The following PCDH15 variants were observed in gnomAD, a reference collection of about 807,000 sequenced individuals.
PCDH15 encodes protocadherin-15.
PCDH15 carries 129 observed loss-of-function variants against 178.5 expected under a neutral mutation model. That is an observed-to-expected ratio of 0.72 (90% CI 0.63 to 0.84). The LOEUF is 0.84. PCDH15 is among the 40% of genes least tolerant of loss of function. The pLI, the probability that PCDH15 is intolerant of heterozygous loss-of-function variation, is 0.00. For missense variants in PCDH15, 2,230 were observed against 2,099.9 expected, an observed-to-expected ratio of 1.06 and a Z score of -1.21; for synonymous variants, 800 against 732.0, an observed-to-expected ratio of 1.09 and a Z score of -1.50.
rs10546546 is a variant in PCDH15, at chr10:55,392,979, A to ATGTGTGTGTGTG, written c.-155-226340_-155-226329dup. Among the ~76,000 whole-genome samples, 13 of 144,160 alleles carry ATGTGTGTGTGTG rather than the reference A, an allele frequency of 9.0e-5. No homozygotes were observed. In the South Asian group the frequency reaches 2.3e-3, roughly 25 times the overall value. 94.6% of individuals were successfully genotyped at this position (144,160 alleles called of 152,430 possible). On this transcript the variant is annotated intron_variant, in intron 2 of 5. Transcript: ENST00000613346. ...AGTATCAATCTAAGAACTAAAGTGT[A>ATGTGTGTGTGTG]TGTGTGTGTGTGTGTGTGTGTGTGT...
At chr10:54,991,749 C>T (rs902737128) in intron 2 of PCDH15, among the ~76,000 whole-genome samples, 7 of 152,086 alleles carry the variant, frequency 4.6e-5, no homozygotes, top group Non-Finnish European at 5.9e-5. Flanking sequence ...TAAAATCACT[C>T]GACTTATTTA....
intron 18 of PCDH15, among the ~76,000 whole-genome samples, chr10:54,041,760 A>C (rs2093552229): frequency 6.6e-6 from 1 of 152,132 alleles, no homozygotes; most frequent in African/African-American, 2.4e-5. Flanking sequence ...AAAGGAAATG[A>C]CATTCAACAG....
chr10:54,280,189 T>C (rs538999671), intron 8 of PCDH15, among the ~76,000 whole-genome samples: 3 of 151,876 alleles, frequency 2.0e-5, no homozygotes, highest in Admixed American at 1.3e-4. Context: ...TGCTACCCAT[T>C]TCCTTTTAAG....
intron 13 of PCDH15, among the ~76,000 whole-genome samples, chr10:54,161,069 T>C (rs1038534179): frequency 1.3e-5 from 2 of 152,150 alleles, no homozygotes; most frequent in African/African-American, 2.4e-5. Flanking sequence ...TATGTGTGTG[T>C]ATATATATTT....
chr10:54,375,383 C>A lies in PCDH15; in HGVS notation c.318+3399G>T, dbSNP rs1013730377. On this transcript the variant is annotated intron_variant, in intron 4 of 37. Coordinates refer to ENST00000644397, the MANE Select transcript of PCDH15 (RefSeq NM_001384140.1). The stretch of plus-strand genomic sequence containing the variant: ...AATAGAGAATATGCACAGAGAAAGG[C>A]AGAAACTAGAGACCATATGGTCCAA... Among the ~76,000 whole-genome samples, 8 of 152,118 alleles carry A rather than the reference C, an allele frequency of 5.3e-5. No individual in the cohort carries two copies. In the East Asian group the frequency reaches 1.5e-3, roughly 29 times the overall value.
chr10:54,563,365 GAACA>G (rs1297052173), intron 2 of PCDH15, among the ~76,000 whole-genome samples: 1 of 152,098 alleles, frequency 6.6e-6, no homozygotes, highest in African/African-American at 2.4e-5. Context: ...TCTTGCATTT[GAACA>G]AAGCTATGGG....
chr10:55,588,687 A>G (rs552878916), intron 2 of PCDH15, among the ~76,000 whole-genome samples: 2 of 152,274 alleles, frequency 1.3e-5, no homozygotes, highest in Non-Finnish European at 2.9e-5. Context: ...TCTGAAAAAA[A>G]AAATTGTAAA....
intron 21 of PCDH15, among the ~76,000 whole-genome samples, chr10:53,975,090 AT>A (rs1256501876): frequency 6.6e-6 from 1 of 152,162 alleles, no homozygotes; most frequent in Non-Finnish European, 1.5e-5. Flanking sequence ...AGCTGCATCA[AT>A]ATTGCTGCAA....
At chr10:53,931,891 C>T (rs1256469741) in intron 25 of PCDH15, among the ~76,000 whole-genome samples, 2 of 152,156 alleles carry the variant, frequency 1.3e-5, no homozygotes, top group East Asian at 3.9e-4. Context: ...TAAGAGATTT[C>T]TTTTTACTTT....
chr10:54,788,604 T>TA (rs1221390172), intron 1 of PCDH15, among the ~76,000 whole-genome samples: 2 of 151,908 alleles, frequency 1.3e-5, no homozygotes, highest in Non-Finnish European at 2.9e-5. Context: ...AAAGTAAACC[T>TA]AAAATCTGTC....
intron 1 of PCDH15, among the ~76,000 whole-genome samples, chr10:55,226,677 C>T (rs191711430): frequency 0.014 from 2,163 of 151,932 alleles, 38 homozygotes; most frequent in Non-Finnish European, 0.02. Context: ...CCACTGCGCC[C>T]GGCCAAGAAT....
At chr10:55,018,270 A>G (rs1027452327) in intron 2 of PCDH15, among the ~76,000 whole-genome samples, 7 of 152,084 alleles carry the variant, frequency 4.6e-5, no homozygotes, top group Non-Finnish European at 1.0e-4. Flanking sequence ...TTTCAGTACA[A>G]AGAGCGGGGA....
At chr10:54,011,048 C>T (rs1234606894) in intron 20 of PCDH15, among the ~76,000 whole-genome samples, 14 of 152,290 alleles carry the variant, frequency 9.2e-5, no homozygotes, top group Admixed American at 7.2e-4. Context: ...GAAGCCCAGA[C>T]TGTCCTCCCT....
At chr10:55,075,366 ATTT>A (rs34779284) in intron 2 of PCDH15, among the ~76,000 whole-genome samples, 9,461 of 132,266 alleles carry the variant, frequency 0.072, 367 homozygotes, top group African/African-American at 0.12. Flanking sequence ...TTTTGTTTAA[ATTT>A]TTTTTTTTTT....
rs11003947 is a variant in PCDH15, at chr10:53,961,458, G to A, written c.3009+294C>T. Among the ~76,000 whole-genome samples, 2,317 of 152,004 alleles carry A rather than the reference G, an allele frequency of 0.015. 53 individuals are homozygous for A. The highest frequency in any genetic ancestry group is 0.05 in the African/African-American group (2,088 of 41,492). ...AACATCATATTGAATTTAAAAACCAGTATGTATAAGACTATGTGATTTGAA... is the reference window on the plus strand; with the variant it reads ...AACATCATATTGAATTTAAAAACCAATATGTATAAGACTATGTGATTTGAA... On this transcript the variant is annotated intron_variant, in intron 22 of 37. Coordinates refer to ENST00000644397, the MANE Select transcript of PCDH15 (RefSeq NM_001384140.1).
In PCDH15 at chr10:54,153,088, A is replaced by G; in HGVS notation, c.1784+12T>C. On this transcript the variant is annotated intron_variant, in intron 14 of 37. Transcript: ENST00000644397. Reference sequence around the variant, plus strand: ...CCGATGAAAAGACTGCATTGGTTCTAATATAAATTACCTTCGCTCTGCAGG... The same window carrying G: ...CCGATGAAAAGACTGCATTGGTTCTGATATAAATTACCTTCGCTCTGCAGG... 4 of 1,613,556 alleles carry G rather than the reference A, an allele frequency of 2.5e-6. No individual in the cohort carries two copies. In the South Asian group the frequency reaches 3.3e-5, roughly 13 times the overall value.
chr10:55,568,324 T>C (rs190241631), intron 2 of PCDH15, among the ~76,000 whole-genome samples: 148 of 152,094 alleles, frequency 9.7e-4, no homozygotes, highest in African/African-American at 3.5e-3. Flanking sequence ...GCAAATACTC[T>C]ATTATTCGAC....
chr10:55,515,828 C>G (rs1384186317), intron 2 of PCDH15, among the ~76,000 whole-genome samples: 1 of 152,050 alleles, frequency 6.6e-6, no homozygotes. Flanking sequence ...TACATTCAAG[C>G]CTTTGTGGAT....
At chr10:54,524,421 C>T (rs1194718814) in intron 3 of PCDH15, among the ~76,000 whole-genome samples, 2 of 152,138 alleles carry the variant, frequency 1.3e-5, no homozygotes, top group Admixed American at 6.5e-5. Context: ...TACACTTCGG[C>T]AGATTCTGAG....
Sources: gnomAD v4.1 joint callset for allele counts (sites outside exome capture counted in the v4.1 genomes callset) on GRCh38, gnomAD v4.1.1 for gene constraint, MANE v1.5 for transcripts, NCBI Gene and HGNC (gene_info 2026-07-23, HGNC 2026-07-21) for gene names.